Variants in GPC5 observed in about 807,000 individuals in gnomAD.
GPC5 encodes glypican 5.
Under a neutral mutation model 53.9 loss-of-function variants are expected in GPC5, and 47 were observed. The ratio of observed to expected loss-of-function variants is 0.87; its 90% CI spans 0.69 to 1.11. GPC5 has a LOEUF of 1.11. Ranked by LOEUF, GPC5 falls within the 50% of genes most tolerant of loss-of-function variation. GPC5 has a pLI of 0.00. For missense variants in GPC5, 748 were observed against 713.1 expected (o/e 1.05, Z -0.56); for synonymous variants, 286 against 263.3 (o/e 1.09, Z -0.84).
chr13:91,722,332 A>AAAAG (rs2036491550), intron 3 of GPC5, among the ~76,000 whole-genome samples: 1 of 152,162 alleles, frequency 6.6e-6, no homozygotes, highest in Non-Finnish European at 1.5e-5. Context: ...GGTTTTCCAT[A>AAAAG]AAAGACTAGA....
chr13:92,102,400 C>T (rs4126972), intron 6 of GPC5, among the ~76,000 whole-genome samples: 1 of 151,878 alleles, frequency 6.6e-6, no homozygotes, highest in Non-Finnish European at 1.5e-5. Flanking sequence ...AGGTACCAGA[C>T]GACCAAGAAG....
At chr13:92,855,632 A>T (rs1566446994) in intron 7 of GPC5, among the ~76,000 whole-genome samples, 3 of 147,302 alleles carry the variant, frequency 2.0e-5, no homozygotes, top group Non-Finnish European at 4.5e-5. Context: ...AAAAAAAAAA[A>T]GTGAAGACCC....
intron 2 of GPC5, among the ~76,000 whole-genome samples, chr13:91,582,832 G>A (rs923839881): frequency 8.5e-5 from 13 of 152,048 alleles, no homozygotes; most frequent in African/African-American, 3.1e-4. Context: ...GGCCAACAAG[G>A]TGATACCGTG....
intron 7 of GPC5, among the ~76,000 whole-genome samples, chr13:92,292,255 C>G (rs936145400): frequency 6.6e-6 from 1 of 152,200 alleles, no homozygotes; most frequent in African/African-American, 2.4e-5. Flanking sequence ...TTTAAGGAAT[C>G]TCCACACTGC....
chr13:92,125,916 GTTTTTTGGTTTT>G, intron 6 of GPC5, among the ~76,000 whole-genome samples: 1 of 31,304 alleles, frequency 3.2e-5, no homozygotes, highest in South Asian at 1.8e-3. Context: ...GGAAACATTT[GTTTTTTGGTTTT>G]TTTTTTTTTT....
chr13:91,566,629 A>G (rs954977439), intron 2 of GPC5, among the ~76,000 whole-genome samples: 1 of 152,186 alleles, frequency 6.6e-6, no homozygotes, highest in Admixed American at 6.5e-5. Context: ...AATGGCTAGT[A>G]TGTGAGTATT....
At position 91,769,562 on chromosome 13, in the gene GPC5, A is replaced by G. The variant is rs184341114; in HGVS notation, c.1280+13142A>G. 2.3e-3 allele frequency among the ~76,000 whole-genome samples: 357 copies of G among 152,302 alleles called. 2 individuals carry two copies. Among genetic ancestry groups the G allele is most frequent in the Non-Finnish European group, 3.7e-3 (252 of 68,030 alleles). ...TATGTGGAAAGATCTGAATTTTCCAAGTAGAGAGAATATCATGCTTCATGT... is the reference window on the plus strand; with the variant it reads ...TATGTGGAAAGATCTGAATTTTCCAGGTAGAGAGAATATCATGCTTCATGT... On this transcript the variant is annotated intron_variant, in intron 5 of 7. Transcript: ENST00000377067.
In GPC5 at chr13:91,932,830, A is replaced by G. The variant is rs534430715; in HGVS notation, c.1401+24773A>G. Among the ~76,000 whole-genome samples, 5 of 152,104 alleles carry G rather than the reference A, an allele frequency of 3.3e-5. No individual in the cohort carries two copies. In the South Asian group the frequency reaches 1.0e-3, roughly 31 times the overall value. On this transcript the variant is annotated intron_variant, in intron 6 of 7. Transcript: ENST00000377067. Reference sequence around the variant, plus strand: ...TCTGCCAGAGTTGTCTTCTTAAATCAGAGGTTAGACTGCATTTCTCTAAGT... The same window carrying G: ...TCTGCCAGAGTTGTCTTCTTAAATCGGAGGTTAGACTGCATTTCTCTAAGT...
chr13:92,498,363 G>A (rs974493684), intron 7 of GPC5, among the ~76,000 whole-genome samples: 1 of 152,036 alleles, frequency 6.6e-6, no homozygotes, highest in Non-Finnish European at 1.5e-5. Flanking sequence ...CTCACTTGAG[G>A]CATTTTTCCC....
At chr13:92,005,249 GC>G (rs1302379210) in intron 6 of GPC5, among the ~76,000 whole-genome samples, 1 of 152,164 alleles carries the variant, frequency 6.6e-6, no homozygotes, top group Non-Finnish European at 1.5e-5. Context: ...TGAAAAGGGA[GC>G]CCAAGAAATT....
At chr13:92,621,343 A>G (rs1884861476) in intron 7 of GPC5, among the ~76,000 whole-genome samples, 1 of 152,158 alleles carries the variant, frequency 6.6e-6, no homozygotes, top group Non-Finnish European at 1.5e-5. Context: ...ATTGGCCTCA[A>G]GCCTTAGCTG....
chr13:92,385,634 CATATATACCT>C (rs1192800597), intron 7 of GPC5, among the ~76,000 whole-genome samples: 2 of 140,794 alleles, frequency 1.4e-5, no homozygotes, highest in Non-Finnish European at 3.0e-5. Context: ...CACATATATA[CATATATACCT>C]ATATACACAT....
intron 7 of GPC5, among the ~76,000 whole-genome samples, chr13:92,175,912 T>C (rs9301782): frequency 0.019 from 2,847 of 152,306 alleles, 72 homozygotes; most frequent in African/African-American, 0.06. Context: ...GAATCTCAGA[T>C]ACAGAATCCT....
intron 7 of GPC5, among the ~76,000 whole-genome samples, chr13:92,312,007 A>G (rs1209100599): frequency 6.6e-6 from 1 of 152,124 alleles, no homozygotes. Flanking sequence ...GAGAACAAGG[A>G]GAGAACGGAA....
At chr13:92,167,523 T>G (rs2139016177) in intron 7 of GPC5, among the ~76,000 whole-genome samples, 1 of 152,312 alleles carries the variant, frequency 6.6e-6, no homozygotes, top group Middle Eastern at 3.4e-3. Context: ...TATGAAGAGA[T>G]ATTATACAAA....
chr13:92,646,277 A>T (rs1885763553), intron 7 of GPC5, among the ~76,000 whole-genome samples: 1 of 152,156 alleles, frequency 6.6e-6, no homozygotes, highest in Admixed American at 6.5e-5. Flanking sequence ...TTTGTAAAAA[A>T]GTCTCTTCTT....
chr13:92,315,320 C>T (rs1288851693), intron 7 of GPC5, among the ~76,000 whole-genome samples: 1 of 152,080 alleles, frequency 6.6e-6, no homozygotes, highest in African/African-American at 2.4e-5. Flanking sequence ...ATAAATTGGG[C>T]TCCTCAATCA....
At chr13:91,636,178 A>G (rs1027961477) in intron 2 of GPC5, among the ~76,000 whole-genome samples, 24 of 152,118 alleles carry the variant, frequency 1.6e-4, no homozygotes, top group Admixed American at 1.2e-3. Context: ...TGTTTAAAAA[A>G]TTGCAATGTG....
At chr13:92,746,040 A>T (rs943499854) in intron 7 of GPC5, among the ~76,000 whole-genome samples, 1 of 152,118 alleles carries the variant, frequency 6.6e-6, no homozygotes, top group South Asian at 2.1e-4. Context: ...ATATCTAATC[A>T]GTTGTTTTTG....
Sources: gnomAD v4.1 joint callset for allele counts (sites outside exome capture counted in the v4.1 genomes callset) on GRCh38, gnomAD v4.1.1 for gene constraint, MANE v1.5 for transcripts, NCBI Gene and HGNC (gene_info 2026-07-23, HGNC 2026-07-21) for gene names.